SH3BP4: variants seen among roughly 807,000 people sequenced by gnomAD.
SH3BP4 encodes SH3 domain binding protein 4.
A neutral mutation model predicts 65.5 loss-of-function variants in SH3BP4; 33 were observed. That is an observed-to-expected ratio of 0.50 (90% CI 0.38 to 0.67). The LOEUF is 0.67. Among genes scored for constraint, SH3BP4 ranks in the 30% least tolerant of loss-of-function variants. The pLI is 0.00. For missense variants in SH3BP4, 1,134 were observed against 1,261.4 expected (o/e 0.90, Z 1.53); for synonymous variants, 552 against 545.5 (o/e 1.01, Z -0.17).
chr2:235,052,790 G>A lies in SH3BP4; in HGVS notation c.2667+40G>A, dbSNP rs886383498. The A allele has an allele frequency of 1.3e-6, 2 of 1,524,484 alleles. No individual in the cohort carries two copies. Among genetic ancestry groups the A allele is most frequent in the Admixed American group, 4.1e-5 (2 of 49,354 alleles). The allele number at this position is 1,524,484 out of a possible 1,614,324, so 94.4% of individuals were successfully genotyped here. ...AGCTTCGAGCTCACCGAGCCCCTCT[G>A]TCCCTGGGTTCCGTGGACCCATGCA... is the stretch of plus-strand genomic sequence containing the variant. On this transcript the variant is annotated intron_variant, in intron 5 of 5. Transcript: ENST00000392011. This position sits in a 1 kb window ranked among gnomAD's most constrained non-coding sequence, Gnocchi z 5.0.
chr2:235,040,164 G>A (rs182937528), intron 3 of SH3BP4, among the ~76,000 whole-genome samples: 19 of 152,306 alleles, frequency 1.2e-4, no homozygotes, highest in South Asian at 4.1e-4. Flanking sequence ...GAATCTGAGC[G>A]GCTGAGGTTG....
chr2:234,986,016 T>G (rs114884785), intron 1 of SH3BP4, among the ~76,000 whole-genome samples: 21 of 143,460 alleles, frequency 1.5e-4, no homozygotes, highest in African/African-American at 5.5e-4. Context: ...TCTACGAGAA[T>G]AGGGTCCACG....
intron 1 of SH3BP4, among the ~76,000 whole-genome samples, chr2:234,992,243 G>T (rs117181449): frequency 6.6e-6 from 1 of 152,212 alleles, no homozygotes; most frequent in Non-Finnish European, 1.5e-5. Flanking sequence ...TTGTGCCTTG[G>T]GGGGCAGGAG....
intron 1 of SH3BP4, among the ~76,000 whole-genome samples, chr2:234,955,199 G>A (rs1252502549): frequency 1.3e-5 from 2 of 152,066 alleles, no homozygotes; most frequent in African/African-American, 2.4e-5. Flanking sequence ...TCACTAAATA[G>A]AGTTCTCAGA....
At chr2:235,044,847 C>CAGT (rs1559259233) in intron 4 of SH3BP4, among the ~76,000 whole-genome samples, 1 of 152,182 alleles carries the variant, frequency 6.6e-6, no homozygotes, top group African/African-American at 2.4e-5. Context: ...GGGTGGCCTG[C>CAGT]AGTCGTGTGC....
At position 235,042,586 on chromosome 2, in the gene SH3BP4, T is replaced by A. The variant is rs1371544725; in HGVS notation, c.1817T>A (p.Val606Asp). ...GAGGCCATCCTCACCCAGTTTTGTG[T>A]CCAGACTCCTCAGCCACCCCCTAAA... ...DQEAILTQFC[V>D]QTPQPPPKSA... Residue 606 changes from valine to aspartate, a missense_variant, in exon 4 of 6, where the codon GTC (valine) becomes GAC (aspartate). Transcript: ENST00000392011. This position sits in a 1 kb window ranked among gnomAD's most constrained non-coding sequence, Gnocchi z 7.3. The A allele has an allele frequency of 1.2e-6, 2 of 1,614,020 alleles. No individual in the cohort carries two copies. The highest frequency in any genetic ancestry group is 2.2e-5 in the South Asian group (2 of 91,066).
At position 234,965,055 on chromosome 2, in the gene SH3BP4, A is replaced by G. The variant is rs1286581142; in HGVS notation, c.-207+12885A>G. On this transcript the variant is annotated intron_variant, in intron 1 of 5. Coordinates refer to ENST00000392011, the MANE Select transcript of SH3BP4 (RefSeq NM_014521.3). ...TCCCGGCCTGCTGTGAGATTCTTAT[A>G]AAATTGTCTCTGATTAATCACCCTG... is the stretch of plus-strand genomic sequence containing the variant. 2.0e-5 allele frequency among the ~76,000 whole-genome samples: 3 copies of G among 152,178 alleles called. No individual in the cohort carries two copies. In the East Asian group the frequency reaches 5.8e-4, roughly 29 times the overall value.
At chr2:234,973,211 T>G (rs1297618550) in intron 1 of SH3BP4, among the ~76,000 whole-genome samples, 1 of 152,132 alleles carries the variant, frequency 6.6e-6, no homozygotes, top group Non-Finnish European at 1.5e-5. Context: ...ACTGGGTGGT[T>G]TCACTGGCAG....
chr2:234,981,012 A>G (rs1284213439), intron 1 of SH3BP4, among the ~76,000 whole-genome samples: 2 of 152,096 alleles, frequency 1.3e-5, no homozygotes, highest in Non-Finnish European at 2.9e-5. Flanking sequence ...GCCTTGTGCC[A>G]CCATGCCTGG....
At chr2:235,018,715 T>TA (rs1694761905) in intron 2 of SH3BP4, among the ~76,000 whole-genome samples, 1 of 152,212 alleles carries the variant, frequency 6.6e-6, no homozygotes, top group South Asian at 2.1e-4. Context: ...GGGTTCCAGT[T>TA]ACTTTTTTAA....
intron 2 of SH3BP4, among the ~76,000 whole-genome samples, chr2:235,013,963 T>C (rs1383094657): frequency 1.3e-5 from 2 of 152,218 alleles, no homozygotes; most frequent in Non-Finnish European, 2.9e-5. Flanking sequence ...TGATTACTAC[T>C]ATCTACCATA....
chr2:235,051,149 T>C (rs932177391), intron 4 of SH3BP4, among the ~76,000 whole-genome samples: 4 of 152,202 alleles, frequency 2.6e-5, no homozygotes, highest in African/African-American at 9.6e-5. Context: ...CTCTCCTGCC[T>C]TCCTGGTGAC....
At chr2:235,040,849 C>T in intron 3 of SH3BP4, 39 bp from the exon 4 acceptor site, 2 of 1,577,456 alleles carry the variant, frequency 1.3e-6, no homozygotes, top group South Asian at 1.1e-5. Context: ...ACCCCGCCGG[C>T]CTTGCCCTCA....
Position 235,041,224 on chromosome 2 carries a change from C to G in SH3BP4, c.455C>G (p.Pro152Arg), listed in dbSNP as rs758998272. ...GGATGGACAGATGACAAAAAAGTACCAGGCAGAATGTACAGTAATAACCCT... is the reference window on the plus strand; with the variant it reads ...GGATGGACAGATGACAAAAAAGTACGAGGCAGAATGTACAGTAATAACCCT... ...LGGWTDDKKVPGRMYSNNPFW... is the reference protein window; with the variant it reads ...LGGWTDDKKVRGRMYSNNPFW... The change falls in exon 4 of 6, where the codon CCA (proline) becomes CGA (arginine). Residue 152 changes from proline (P) to arginine (R), a missense_variant. Physicochemically the swap from Pro to Arg is moderately radical, Grantham distance 103 (BLOSUM62 -2). Coordinates refer to ENST00000392011, the MANE Select transcript of SH3BP4 (RefSeq NM_014521.3). The surrounding 1 kb of genome is among the most constrained non-coding windows in gnomAD (Gnocchi z 6.0). 2 of 1,614,094 alleles carry G rather than the reference C, an allele frequency of 1.2e-6. No individual in the cohort carries two copies. Among genetic ancestry groups the G allele is most frequent in the Admixed American group, 1.7e-5 (1 of 60,022 alleles).
chr2:234,996,280 A>G (rs1418327651), intron 2 of SH3BP4, among the ~76,000 whole-genome samples: 1 of 152,194 alleles, frequency 6.6e-6, no homozygotes, highest in Non-Finnish European at 1.5e-5. Flanking sequence ...GCCCTTCTAA[A>G]TAAAGCAGGC....
chr2:234,952,084 C>G lies in SH3BP4; in HGVS notation c.-293C>G, dbSNP rs1692481111. 1 of 148,198 alleles carries G rather than the reference C, an allele frequency of 6.7e-6. No homozygotes were observed. The highest frequency in any genetic ancestry group is 1.5e-5 in the Non-Finnish European group (1 of 66,312). 9.2% of individuals were successfully genotyped at this position (148,198 alleles called of 1,614,324 possible). A position where few individuals can be genotyped will look rare whatever the true frequency, so the allele number is the denominator to read the frequency against. On this transcript the variant is annotated 5_prime_UTR_variant, in exon 1 of 6. Transcript: ENST00000392011. The surrounding 1 kb of genome is among the most constrained non-coding windows in gnomAD (Gnocchi z 6.5). ...CCGCCGCCGCCGCCGCCGTGAGTCC[C>G]GCGGAGCCGCGCGCGCCCCCGGCTG...
In SH3BP4 at chr2:234,967,187, TCTC is replaced by T. The variant is rs1692862776; in HGVS notation, c.-207+15018_-207+15020del. On this transcript the variant is annotated intron_variant, in intron 1 of 5. Coordinates refer to ENST00000392011, the MANE Select transcript of SH3BP4 (RefSeq NM_014521.3). This position sits in a 1 kb window ranked among gnomAD's most constrained non-coding sequence, Gnocchi z 4.6. ...GAAGCCAGGAGTTAAGTCCAGGCTG[TCTC>T]AACCATGATACTGTTCTCCCCTACA... Among the ~76,000 whole-genome samples the T allele has an allele frequency of 6.6e-6, 1 of 152,074 alleles. No individual in the cohort carries two copies. Among genetic ancestry groups the T allele is most frequent in the East Asian group, 1.9e-4 (1 of 5,186 alleles).
At position 235,043,212 on chromosome 2, in the gene SH3BP4, A is replaced by G. The variant is rs1240620007; in HGVS notation, c.2443A>G (p.Lys815Glu). 1 of 1,590,226 alleles carries G rather than the reference A, an allele frequency of 6.3e-7. No individual in the cohort carries two copies. Among genetic ancestry groups the G allele is most frequent in the East Asian group, 2.3e-5 (1 of 44,428 alleles). The change falls in exon 4 of 6, where the codon AAA becomes GAA. Residue 815 changes from lysine to glutamate, a missense_variant. Physicochemically the swap from Lys to Glu is moderately conservative, Grantham distance 56. Coordinates refer to ENST00000392011, the MANE Select transcript of SH3BP4 (RefSeq NM_014521.3). ...LKEDCNNTEN[K>E]ERKSFQKELV... ...GGAGGACTGTAACAACACTGAGAAC[A>G]AAGAACGGAAGTCCTTCCAGAAGGA...
rs921577072 is a variant in SH3BP4 at position 235,033,088 on chromosome 2, G to T, written c.-132-1783G>T. 1.3e-5 allele frequency among the ~76,000 whole-genome samples: 2 copies of T among 152,220 alleles called. No homozygotes were observed. Among genetic ancestry groups the T allele is most frequent in the African/African-American group, 4.8e-5 (2 of 41,562 alleles). On this transcript the variant is annotated intron_variant, in intron 2 of 5. Transcript: ENST00000392011. The surrounding 1 kb of genome is among the most constrained non-coding windows in gnomAD (Gnocchi z 5.7). ...CAGGTAGGTGTTTTTTAAGGGAAGG[G>T]CCCCCAGCAGGGCAGCTCTGCCGCT...
Sources: allele counts gnomAD v4.1 joint callset (sites outside exome capture counted in the v4.1 genomes callset), GRCh38; gene constraint gnomAD v4.1.1; non-coding constraint Gnocchi (gnomAD v3.1); transcripts MANE v1.5; gene names NCBI Gene and HGNC (gene_info 2026-07-23, HGNC 2026-07-21).